OSBP2: variants seen among roughly 807,000 people sequenced by gnomAD.
The protein encoded by OSBP2 is oxysterol binding protein 2.
In OSBP2, 66 loss-of-function variants were observed where a neutral mutation model predicts 96.0. The observed-to-expected ratio is 0.69, with a 90% CI of 0.56 to 0.84. The LOEUF (loss-of-function observed/expected upper bound fraction) is 0.84, where lower values mean the gene tolerates loss of function less well. Among genes scored for constraint, OSBP2 ranks in the 40% least tolerant of loss-of-function variants. OSBP2 has a pLI of 0.00. For missense variants in OSBP2, 1,038 were observed against 1,222.7 expected (o/e 0.85, Z 2.25); for synonymous variants, 525 against 520.9 (o/e 1.01, Z -0.11).
At chr22:30,838,498 A>G (rs2038681309) in intron 2 of OSBP2, among the ~76,000 whole-genome samples, 1 of 152,222 alleles carries the variant, frequency 6.6e-6, no homozygotes, top group Non-Finnish European at 1.5e-5. Context: ...AACCTCCAGT[A>G]CAATGTTAAA....
chr22:30,892,717 G>T (rs1338262403), intron 8 of OSBP2, among the ~76,000 whole-genome samples: 35 of 152,256 alleles, frequency 2.3e-4, no homozygotes, highest in Non-Finnish European at 5.9e-5. Flanking sequence ...GCCAGTCTGG[G>T]CCCCCTTGGT....
chr22:30,726,622 T>C (rs1255370629), intron 1 of OSBP2, among the ~76,000 whole-genome samples: 1 of 152,204 alleles, frequency 6.6e-6, no homozygotes, highest in African/African-American at 2.4e-5. Flanking sequence ...GTTCTGCACA[T>C]GTATCCCAGA....
At chr22:30,750,356 T>C (rs1009665736) in intron 2 of OSBP2, among the ~76,000 whole-genome samples, 2 of 152,188 alleles carry the variant, frequency 1.3e-5, no homozygotes, top group Non-Finnish European at 2.9e-5. Flanking sequence ...GATTACACGA[T>C]GGTAAATGCA....
rs534204428 is a variant in OSBP2, at chr22:30,736,903, G to T, written c.645-4258G>T. On this transcript the variant is annotated intron_variant, in intron 1 of 13. Transcript: ENST00000332585. ...TATTTAGTTAATGGGTTATAATCTG[G>T]TATGATCACTGCTGGGTAACTTCTA... is the stretch of plus-strand genomic sequence containing the variant. 2.0e-5 allele frequency among the ~76,000 whole-genome samples: 3 copies of T among 152,244 alleles called. No individual in the cohort carries two copies. In the South Asian group the frequency reaches 6.2e-4, roughly 32 times the overall value.
chr22:30,769,622 C>T lies in OSBP2; in HGVS notation c.853+28253C>T, dbSNP rs140720319. 4.8e-3 allele frequency among the ~76,000 whole-genome samples: 737 copies of T among 152,150 alleles called. 8 individuals carry two copies. Among genetic ancestry groups the T allele is most frequent in the African/African-American group, 0.017 (712 of 41,494 alleles). On this transcript the variant is annotated intron_variant, in intron 2 of 13. Coordinates refer to ENST00000332585, the MANE Select transcript of OSBP2 (RefSeq NM_030758.4). ...GGAGATTGCGCCACTACATTCCAGCCTGGGAAACAGAGAGAGACTCCATCT... is the reference window on the plus strand; with the variant it reads ...GGAGATTGCGCCACTACATTCCAGCTTGGGAAACAGAGAGAGACTCCATCT...
intron 1 of OSBP2, among the ~76,000 whole-genome samples, chr22:30,724,765 G>A (rs1156946544): frequency 1.3e-5 from 2 of 152,210 alleles, no homozygotes; most frequent in African/African-American, 4.8e-5. Context: ...CATGGAACTT[G>A]TGCTTTAGCT....
chr22:30,884,551 C>T (rs951300346), intron 3 of OSBP2, among the ~76,000 whole-genome samples: 1 of 152,216 alleles, frequency 6.6e-6, no homozygotes, highest in Non-Finnish European at 1.5e-5. Context: ...TTGCCCTGCC[C>T]ACCCTGTGTG....
At chr22:30,889,335 C>T (rs1263142962) in intron 6 of OSBP2, 101 bp downstream of exon 6, 21 of 1,424,048 alleles carry the variant, frequency 1.5e-5, no homozygotes, top group Non-Finnish European at 2.0e-5. Context: ...CAGGCAGGCC[C>T]ATGCCCCAGT....
chr22:30,850,163 G>A (rs961508984), intron 2 of OSBP2, among the ~76,000 whole-genome samples: 3 of 151,918 alleles, frequency 2.0e-5, no homozygotes, highest in African/African-American at 4.8e-5. Flanking sequence ...AAAATTAGCC[G>A]GGCATGGTGC....
chr22:30,700,568 T>G (rs548782658), intron 1 of OSBP2, among the ~76,000 whole-genome samples: 3 of 152,172 alleles, frequency 2.0e-5, no homozygotes, highest in Non-Finnish European at 2.9e-5. Context: ...TTTATTAGGT[T>G]AGGCAAACTT....
At chr22:30,898,534 TAAGGTG>T (rs887262424) in intron 12 of OSBP2, among the ~76,000 whole-genome samples, 2 of 152,060 alleles carry the variant, frequency 1.3e-5, no homozygotes, top group African/African-American at 4.8e-5. Flanking sequence ...AATCATGGCG[TAAGGTG>T]AAGGAGAAGC....
chr22:30,734,126 C>T (rs1220642504), intron 1 of OSBP2, among the ~76,000 whole-genome samples: 1 of 152,078 alleles, frequency 6.6e-6, no homozygotes, highest in Non-Finnish European at 1.5e-5. Flanking sequence ...AGACATGCAC[C>T]ACCAGGCCCA....
At chr22:30,713,815 G>T (rs2089399506) in intron 1 of OSBP2, among the ~76,000 whole-genome samples, 1 of 152,084 alleles carries the variant, frequency 6.6e-6, no homozygotes, top group African/African-American at 2.4e-5. Flanking sequence ...GGGGTACAGG[G>T]TGATATTTTG....
Position 30,695,012 on chromosome 22 carries a change from G to GCGGCGCCGGGCATGAGCGCTTCCACGTC in OSBP2, c.108_135dup (p.Ser46AlafsTer53), listed in dbSNP as rs779039343. On this transcript the variant is annotated frameshift_variant, in exon 1 of 14. Coordinates refer to ENST00000332585, the MANE Select transcript of OSBP2 (RefSeq NM_030758.4). LOFTEE classifies it high-confidence loss of function. ...TGTCCCCTGCCTGTCGTGCCACACG[G>GCGGCGCCGGGCATGAGCGCTTCCACGTC]CGGCGCCGGGCATGAGCGCTTCCAC... 1.9e-6 allele frequency: 3 copies of GCGGCGCCGGGCATGAGCGCTTCCACGTC among 1,579,562 alleles called. No homozygotes were observed. Among genetic ancestry groups the GCGGCGCCGGGCATGAGCGCTTCCACGTC allele is most frequent in the Non-Finnish European group, 2.6e-6 (3 of 1,165,912 alleles).
chr22:30,812,383 C>T (rs938822056), intron 2 of OSBP2, among the ~76,000 whole-genome samples: 4 of 152,180 alleles, frequency 2.6e-5, no homozygotes, highest in African/African-American at 9.7e-5. Flanking sequence ...CCGGGCTAGT[C>T]TCAAACTCCT....
intron 2 of OSBP2, among the ~76,000 whole-genome samples, chr22:30,826,468 C>T (rs2038407456): frequency 6.6e-6 from 1 of 152,186 alleles, no homozygotes; most frequent in Non-Finnish European, 1.5e-5. Context: ...TTCATCCTTG[C>T]AGGCGCAATG....
intron 3 of OSBP2, among the ~76,000 whole-genome samples, chr22:30,884,788 C>T (rs1338615759): frequency 1.3e-5 from 2 of 152,188 alleles, no homozygotes; most frequent in Admixed American, 6.5e-5. Flanking sequence ...AGGACACCCC[C>T]GTCTCGCTCC....
intron 2 of OSBP2, among the ~76,000 whole-genome samples, chr22:30,851,511 C>T (rs918531950): frequency 1.3e-5 from 2 of 152,188 alleles, no homozygotes; most frequent in African/African-American, 4.8e-5. Context: ...CTTTCTAACA[C>T]AATGTGATCA....
intron 1 of OSBP2, among the ~76,000 whole-genome samples, chr22:30,718,107 C>G (rs1171380789): frequency 6.6e-6 from 1 of 152,074 alleles, no homozygotes; most frequent in African/African-American, 2.4e-5. Flanking sequence ...AATCGAGAGT[C>G]ACAGCATCCC....
Sources: allele counts gnomAD v4.1 joint callset (sites outside exome capture counted in the v4.1 genomes callset), GRCh38; gene constraint gnomAD v4.1.1; transcripts MANE v1.5; gene names NCBI Gene and HGNC (gene_info 2026-07-23, HGNC 2026-07-21).